The following CLEC3A variants were observed in gnomAD, a reference collection of about 807,000 sequenced individuals.
The protein encoded by CLEC3A is C-type lectin domain family 3 member A.
In CLEC3A, 28 loss-of-function variants were observed where a neutral mutation model predicts 20.4. The ratio of observed to expected loss-of-function variants is 1.37; its 90% CI spans 1.02 to 1.88. CLEC3A has a LOEUF of 1.88. Ranked by LOEUF, CLEC3A falls within the 40% of genes most tolerant of loss-of-function variation. The pLI, the probability that CLEC3A is intolerant of heterozygous loss-of-function variation, is 0.00. For missense variants in CLEC3A, 357 were observed against 240.4 expected (o/e 1.48, Z -3.21); for synonymous variants, 110 against 88.1 (o/e 1.25, Z -1.39).
Position 78,030,965 on chromosome 16 carries a change from A to T in CLEC3A, c.*124A>T. On this transcript the variant is annotated 3_prime_UTR_variant, in exon 3 of 3. Coordinates refer to ENST00000299642, the MANE Select transcript of CLEC3A (RefSeq NM_005752.6). ...ATTGCAACACAAGATCAATGTCCAT[A>T]GCAATATGATAGCATCAGCCAATTT... 1 of 1,128,326 alleles carries T rather than the reference A, an allele frequency of 8.9e-7. No homozygotes were observed. The highest frequency in any genetic ancestry group is 1.2e-6 in the Non-Finnish European group (1 of 814,572). 69.9% of individuals were successfully genotyped at this position (1,128,326 alleles called of 1,614,324 possible).
At position 78,030,972 on chromosome 16, in the gene CLEC3A, T is replaced by C; in HGVS notation, c.*131T>C. The C allele has an allele frequency of 9.4e-7, 1 of 1,059,358 alleles. No individual in the cohort carries two copies. The highest frequency in any genetic ancestry group is 1.3e-6 in the Non-Finnish European group (1 of 756,510). The allele number at this position is 1,059,358 out of a possible 1,614,324, so 65.6% of individuals were successfully genotyped here. On this transcript the variant is annotated 3_prime_UTR_variant, in exon 3 of 3. Coordinates refer to ENST00000299642, the MANE Select transcript of CLEC3A (RefSeq NM_005752.6). Reference sequence around the variant, plus strand: ...CACAAGATCAATGTCCATAGCAATATGATAGCATCAGCCAATTTTGCTAAC... The same window carrying C: ...CACAAGATCAATGTCCATAGCAATACGATAGCATCAGCCAATTTTGCTAAC...
chr16:78,031,869 T>C lies in CLEC3A; in HGVS notation c.*1028T>C, dbSNP rs1366539436. ...CTATTCTGCTTGTTTAACTAGATTG[T>C]ACAAAATAACTTCATTGCTTAATAT... On this transcript the variant is annotated 3_prime_UTR_variant, in exon 3 of 3. Coordinates refer to ENST00000299642, the MANE Select transcript of CLEC3A (RefSeq NM_005752.6). 1 of 152,302 alleles carries C rather than the reference T, an allele frequency of 6.6e-6. No individual in the cohort carries two copies. The highest frequency in any genetic ancestry group is 1.5e-5 in the Non-Finnish European group (1 of 68,024). The allele number at this position is 152,302 out of a possible 1,614,324, so 9.4% of individuals were successfully genotyped here.
rs141510764 is a variant in CLEC3A at position 78,030,636 on chromosome 16, T to C, written c.389T>C (p.Leu130Pro). ...RSLPGVNDFWLGINDMVTEGK... is the reference protein window; with the variant it reads ...RSLPGVNDFWPGINDMVTEGK... ...CTGCCAGGTGTCAATGACTTTTGGC[T>C]GGGCATCAATGACATGGTCACGGAA... The change falls in exon 3 of 3, where the codon CTG (leucine) becomes CCG (proline). Residue 130 changes from leucine to proline, a missense_variant. Coordinates refer to ENST00000299642, the MANE Select transcript of CLEC3A (RefSeq NM_005752.6). 407 of 1,613,978 alleles carry C rather than the reference T, an allele frequency of 2.5e-4. No homozygotes were observed. Among genetic ancestry groups the C allele is most frequent in the Non-Finnish European group, 3.2e-4 (383 of 1,180,028 alleles).
intron 1 of CLEC3A, among the ~76,000 whole-genome samples, chr16:78,024,004 G>A (rs756488315): frequency 1.3e-5 from 2 of 152,060 alleles, no homozygotes; most frequent in Non-Finnish European, 2.9e-5. Context: ...TGATTCGTCA[G>A]CCTCGGCCTC....
intron 2 of CLEC3A, among the ~76,000 whole-genome samples, chr16:78,029,360 A>AATTG (rs772536948): frequency 9.9e-5 from 15 of 152,082 alleles, no homozygotes; most frequent in Admixed American, 3.3e-4. Context: ...ACTAGAATTT[A>AATTG]ATTGATTGAT....
intron 2 of CLEC3A, chr16:78,028,942 ACATACTCC>A (rs2030005259): frequency 3.0e-6 from 1 of 336,414 alleles, no homozygotes; most frequent in African/African-American, 2.2e-5. Flanking sequence ...AACAAGGGTG[ACATACTCC>A]CTTTATCAGG....
chr16:78,022,759 T>C lies in CLEC3A; in HGVS notation c.115+18T>C, dbSNP rs764409607. 5.6e-6 allele frequency: 9 copies of C among 1,611,356 alleles called. No homozygotes were observed. The Admixed American group carries it at 8.4e-5, about 15-fold the overall frequency. ...AGTGAGAGGTAATGGGGCTTCTCAATCAAGCAAAATTCTAGGCTTAGACAG... is the reference window on the plus strand; with the variant it reads ...AGTGAGAGGTAATGGGGCTTCTCAACCAAGCAAAATTCTAGGCTTAGACAG... On this transcript the variant is annotated intron_variant, in intron 1 of 2. Coordinates refer to ENST00000299642, the MANE Select transcript of CLEC3A (RefSeq NM_005752.6).
rs1315166465 is a variant in CLEC3A at position 78,030,878 on chromosome 16, A to G, written c.*37A>G. The G allele has an allele frequency of 3.8e-6, 6 of 1,561,756 alleles. No homozygotes were observed. The highest frequency in any genetic ancestry group is 4.3e-6 in the Non-Finnish European group (5 of 1,155,016). On this transcript the variant is annotated 3_prime_UTR_variant, in exon 3 of 3. Coordinates refer to ENST00000299642, the MANE Select transcript of CLEC3A (RefSeq NM_005752.6). ...ATGTGTCCTCCAAGCAAGATTCATC[A>G]TAACTTATAGGTTCATGATCTCTAA...
At chr16:78,029,051 C>T (rs1372333571) in intron 2 of CLEC3A, 2 of 447,618 alleles carry the variant, frequency 4.5e-6, no homozygotes, top group African/African-American at 4.0e-5. Context: ...CAGTCAGGTA[C>T]TAGAAATTCT....
chr16:78,029,074 A>G (rs2030008736), intron 2 of CLEC3A: 1 of 452,866 alleles, frequency 2.2e-6, no homozygotes, highest in Non-Finnish European at 4.4e-6. Context: ...ATAAACACAA[A>G]TCCATTAATC....
At chr16:78,028,366 T>C (rs775334338) in intron 2 of CLEC3A, among the ~76,000 whole-genome samples, 176 bp downstream of exon 2, 3 of 152,332 alleles carry the variant, frequency 2.0e-5, no homozygotes, top group Non-Finnish European at 4.4e-5. Flanking sequence ...TACAATCCCA[T>C]TCTCCTATAT....
Position 78,030,593 on chromosome 16 carries a change from G to C in CLEC3A, c.346G>C (p.Asp116His), listed in dbSNP as rs747372356. Residue 116 changes from aspartate to histidine, a missense_variant, in exon 3 of 3, where the codon GAC becomes CAC. Coordinates refer to ENST00000299642, the MANE Select transcript of CLEC3A (RefSeq NM_005752.6). ...RNSDEINALQ[D>H]YGKRSLPGVN... Reference sequence around the variant, plus strand: ...CTCCGACGAAATCAACGCCCTCCAAGACTATGGTAAAAGGAGCCTGCCAGG... The same window carrying C: ...CTCCGACGAAATCAACGCCCTCCAACACTATGGTAAAAGGAGCCTGCCAGG... 6.2e-6 allele frequency: 10 copies of C among 1,614,182 alleles called. No homozygotes were observed. In the South Asian group the frequency reaches 6.6e-5, roughly 11 times the overall value.
chr16:78,027,382 T>G (rs1044969311), intron 1 of CLEC3A, among the ~76,000 whole-genome samples: 1 of 152,124 alleles, frequency 6.6e-6, no homozygotes, highest in Non-Finnish European at 1.5e-5. Flanking sequence ...AGAGGAGATA[T>G]TTAAGCTTGC....
intron 1 of CLEC3A, among the ~76,000 whole-genome samples, chr16:78,024,451 C>T (rs542817519): frequency 6.6e-6 from 1 of 152,082 alleles, no homozygotes; most frequent in Non-Finnish European, 1.5e-5. Context: ...TTCTTTACCC[C>T]CTTCTTCCCC....
At chr16:78,023,582 C>A (rs1417100660) in intron 1 of CLEC3A, among the ~76,000 whole-genome samples, 1 of 152,104 alleles carries the variant, frequency 6.6e-6, no homozygotes, top group Non-Finnish European at 1.5e-5. Flanking sequence ...ATGACTATTT[C>A]CTTATTTTCA....
chr16:78,030,773 G>A lies in CLEC3A; in HGVS notation c.526G>A (p.Gly176Ser), dbSNP rs2030076032. The change falls in exon 3 of 3, where the codon GGC becomes AGC. Residue 176 changes from glycine to serine, a missense_variant. Transcript: ENST00000299642. Reference sequence around the variant, plus strand: ...TGTCCTGTTCTCCCAATCAGCTCAGGGCAAGTGGAGTGATGAGGCCTGTCG... The same window carrying A: ...TGTCCTGTTCTCCCAATCAGCTCAGAGCAAGTGGAGTGATGAGGCCTGTCG... ...NCVLFSQSAQ[G>S]KWSDEACRSS... 1 of 1,614,014 alleles carries A rather than the reference G, an allele frequency of 6.2e-7. No homozygotes were observed. The highest frequency in any genetic ancestry group is 1.3e-5 in the African/African-American group (1 of 74,906).
intron 1 of CLEC3A, among the ~76,000 whole-genome samples, chr16:78,025,448 A>C (rs1359890770): frequency 6.6e-6 from 1 of 152,226 alleles, no homozygotes; most frequent in African/African-American, 2.4e-5. Context: ...GTCCCTCCAA[A>C]TGATAACACC....
At chr16:78,026,143 A>G (rs2029911568) in intron 1 of CLEC3A, among the ~76,000 whole-genome samples, 1 of 152,226 alleles carries the variant, frequency 6.6e-6, no homozygotes, top group Non-Finnish European at 1.5e-5. Context: ...GAGCTGAGCC[A>G]TGGGATGCTT....
At position 78,032,057 on chromosome 16, in the gene CLEC3A, A is replaced by C; in HGVS notation, c.*1216A>C. The C allele has an allele frequency of 6.6e-6, 1 of 152,614 alleles. No individual in the cohort carries two copies. Among genetic ancestry groups the C allele is most frequent in the Non-Finnish European group, 1.5e-5 (1 of 68,016 alleles). The allele number at this position is 152,614 out of a possible 1,614,324, so 9.5% of individuals were successfully genotyped here. Reference sequence around the variant, plus strand: ...CTACACATGCTTGGAATTAAGTTTTAGCTGTTTTCATTGCTCAATAATAAA... The same window carrying C: ...CTACACATGCTTGGAATTAAGTTTTCGCTGTTTTCATTGCTCAATAATAAA... On this transcript the variant is annotated 3_prime_UTR_variant, in exon 3 of 3. Transcript: ENST00000299642.
Sources: gnomAD v4.1 joint callset for allele counts (sites outside exome capture counted in the v4.1 genomes callset) on GRCh38, gnomAD v4.1.1 for gene constraint, MANE v1.5 for transcripts, NCBI Gene and HGNC (gene_info 2026-07-23, HGNC 2026-07-21) for gene names.